Variants in NBAS observed in about 807,000 individuals in gnomAD.
NBAS encodes the protein NBAS subunit of NRZ tethering complex.
In NBAS, 219 loss-of-function variants were observed where a neutral mutation model predicts 302.5. The observed-to-expected ratio is 0.72, with a 90% CI of 0.65 to 0.81. The LOEUF (loss-of-function observed/expected upper bound fraction) is 0.81. Among genes scored for constraint, NBAS ranks in the 30% least tolerant of loss-of-function variants. The pLI, the probability that NBAS is intolerant of heterozygous loss-of-function variation, is 0.00. For synonymous variants in NBAS, 1,118 were observed against 1,021.6 expected (o/e 1.09, Z -1.80); for missense variants, 2,932 against 2,841.6 (o/e 1.03, Z -0.72).
intron 44 of NBAS, among the ~76,000 whole-genome samples, chr2:15,259,276 C>T (rs543101120): frequency 9.2e-5 from 14 of 152,218 alleles, no homozygotes; most frequent in Admixed American, 2.0e-4. Flanking sequence ...TAAAATTATA[C>T]GAAAGTGAAA....
intron 51 of NBAS, among the ~76,000 whole-genome samples, chr2:15,173,980 G>A (rs1471376027): frequency 6.6e-6 from 1 of 152,188 alleles, no homozygotes; most frequent in African/African-American, 2.4e-5. Context: ...TGTGCACAAT[G>A]CATGCTTGAT....
At chr2:15,558,331 T>A (rs1250337003) in intron 2 of NBAS, among the ~76,000 whole-genome samples, 2 of 152,164 alleles carry the variant, frequency 1.3e-5, no homozygotes, top group African/African-American at 4.8e-5. Flanking sequence ...GGACACCTGT[T>A]CTAGAATACA....
the NBAS span, among the ~76,000 whole-genome samples, chr2:15,107,754 G>A: frequency 7.2e-5 from 11 of 152,066 alleles, no homozygotes; most frequent in Non-Finnish European, 1.5e-4. Flanking sequence ...TGACCAACGT[G>A]TATTCTCATA....
chr2:15,082,419 T>C, the NBAS span, among the ~76,000 whole-genome samples: 24 of 152,310 alleles, frequency 1.6e-4, no homozygotes, highest in South Asian at 5.0e-3. Flanking sequence ...GCTCATTTCA[T>C]GTTCTGAGTC....
chr2:14,945,560 T>A, the NBAS span, among the ~76,000 whole-genome samples: 1 of 152,198 alleles, frequency 6.6e-6, no homozygotes, highest in East Asian at 1.9e-4. Context: ...AACTCAGGAA[T>A]TTATCATAAA....
intron 21 of NBAS, 129 bp from the exon 22 acceptor site, chr2:15,427,923 T>A: frequency 1.4e-6 from 1 of 722,680 alleles, no homozygotes; most frequent in South Asian, 1.6e-5. Context: ...GTATTTTAAG[T>A]GGTACAGGAT....
At chr2:15,315,736 GT>G (rs1279542160) in intron 38 of NBAS, among the ~76,000 whole-genome samples, 4 of 152,206 alleles carry the variant, frequency 2.6e-5, no homozygotes, top group Non-Finnish European at 2.9e-5. Flanking sequence ...TGTTGTTGAA[GT>G]TATCTCATGA....
At chr2:15,430,553 T>C (rs1217708658) in intron 21 of NBAS, among the ~76,000 whole-genome samples, 1 of 152,216 alleles carries the variant, frequency 6.6e-6, no homozygotes, top group Non-Finnish European at 1.5e-5. Context: ...GTAGTAGATA[T>C]TATCTTCCTC....
At position 15,539,328 on chromosome 2, in the gene NBAS, T is replaced by C; in HGVS notation, c.408A>G (p.Arg136=). Residue 136 remains arginine, a synonymous_variant, in exon 7 of 52, where the codon AGA becomes AGG. Transcript: ENST00000281513. ...QVPKDPKPQW[R]RVAWSYDCTL... ...TACAATCGTAACTCCATGCTACCCG[T>C]CTCCACTGGGGTTTCGGGTCTTTCG... is the stretch of plus-strand genomic sequence containing the variant. 6.2e-7 allele frequency: 1 copy of C among 1,614,178 alleles called. No individual in the cohort carries two copies. Among genetic ancestry groups the C allele is most frequent in the Non-Finnish European group, 8.5e-7 (1 of 1,180,026 alleles).
At chr2:15,204,002 T>C (rs1666018655) in intron 48 of NBAS, among the ~76,000 whole-genome samples, 1 of 151,866 alleles carries the variant, frequency 6.6e-6, no homozygotes, top group South Asian at 2.1e-4. Context: ...CTCATGTCTA[T>C]AATGCATCCA....
At chr2:15,274,147 G>T (rs1466233752) in intron 44 of NBAS, among the ~76,000 whole-genome samples, 2 of 152,022 alleles carry the variant, frequency 1.3e-5, no homozygotes, top group Non-Finnish European at 2.9e-5. Flanking sequence ...TTTTATAGCA[G>T]TGGTTGTAAA....
Position 15,371,091 on chromosome 2 carries a change from C to T in NBAS, c.3703+3517G>A, listed in dbSNP as rs577413974. Among the ~76,000 whole-genome samples, 9 of 152,196 alleles carry T rather than the reference C, an allele frequency of 5.9e-5. No homozygotes were observed. In the East Asian group the frequency reaches 1.7e-3, roughly 29 times the overall value. On this transcript the variant is annotated intron_variant, in intron 31 of 51. Transcript: ENST00000281513. ...GGTGACTGGATCATGGGGGCAGTTT[C>T]CCCCATGCTGTTCTCATGATGGTGA...
At chr2:15,475,014 C>T (rs1021733475) in intron 14 of NBAS, among the ~76,000 whole-genome samples, 6 of 152,164 alleles carry the variant, frequency 3.9e-5, no homozygotes, top group Admixed American at 2.6e-4. Flanking sequence ...CTCCCTCACC[C>T]CCTTATAAAG....
chr2:15,331,807 C>G (rs1672365589), intron 35 of NBAS, among the ~76,000 whole-genome samples: 1 of 152,198 alleles, frequency 6.6e-6, no homozygotes, highest in South Asian at 2.1e-4. Context: ...TCCCTAGAAC[C>G]TGTGACTATG....
chr2:15,291,772 C>T (rs751936487), intron 41 of NBAS, among the ~76,000 whole-genome samples: 10 of 152,096 alleles, frequency 6.6e-5, no homozygotes, highest in African/African-American at 1.9e-4. Flanking sequence ...AATTAAAGTG[C>T]CATGTGCTTT....
the NBAS span, among the ~76,000 whole-genome samples, chr2:15,097,676 A>C: frequency 6.6e-6 from 1 of 151,350 alleles, no homozygotes; most frequent in East Asian, 2.0e-4. Context: ...TTATGAGGAC[A>C]CTAATCCCAC....
At chr2:15,268,313 C>A (rs150200462) in intron 44 of NBAS, among the ~76,000 whole-genome samples, 2 of 152,144 alleles carry the variant, frequency 1.3e-5, no homozygotes, top group African/African-American at 4.8e-5. Flanking sequence ...CAGGACCAGA[C>A]GTTTGCTGCA....
At chr2:14,947,274 C>T in the NBAS span, among the ~76,000 whole-genome samples, 2 of 151,882 alleles carry the variant, frequency 1.3e-5, no homozygotes, top group African/African-American at 2.4e-5. Flanking sequence ...GCTTAAACTA[C>T]ACTAGCCAAG....
intron 37 of NBAS, 35 bp from the exon 38 acceptor site, chr2:15,327,905 G>A (rs778869553): frequency 1.2e-6 from 2 of 1,612,306 alleles, no homozygotes; most frequent in East Asian, 2.2e-5. Context: ...ATCTAGTAGG[G>A]TGCCTTTTGT....
Sources: gnomAD v4.1 joint callset for allele counts (sites outside exome capture counted in the v4.1 genomes callset) on GRCh38, gnomAD v4.1.1 for gene constraint, MANE v1.5 for transcripts, NCBI Gene and HGNC (gene_info 2026-07-23, HGNC 2026-07-21) for gene names.